Variants in CCDC178 observed in about 807,000 individuals in gnomAD.
The protein encoded by CCDC178 is coiled-coil domain containing 178.
In CCDC178, 126 loss-of-function variants were observed where a neutral mutation model predicts 117.4. The observed-to-expected ratio is 1.07, with a 90% CI of 0.93 to 1.24. The LOEUF is 1.24. Among genes scored for constraint, CCDC178 ranks in the 50% most tolerant of loss-of-function variants. CCDC178 has a pLI of 0.00. For missense variants in CCDC178, 1,030 were observed against 986.9 expected (o/e 1.04, Z -0.59); for synonymous variants, 283 against 313.4 (o/e 0.90, Z 1.02).
intron 20 of CCDC178, among the ~76,000 whole-genome samples, chr18:33,158,610 C>T (rs758291067): frequency 3.3e-5 from 5 of 151,988 alleles, no homozygotes; most frequent in Admixed American, 6.6e-5. Context: ...TTACTATAAA[C>T]ATTCACAGAA....
chr18:33,073,504 CATCTATCTATCTATCTATCTATCT>C (rs11468119), intron 21 of CCDC178, among the ~76,000 whole-genome samples: 5 of 142,018 alleles, frequency 3.5e-5, no homozygotes, highest in South Asian at 2.3e-4. Flanking sequence ...CTATAGTCAG[CATCTATCTATCTATCTATCTATCT>C]ATCTATCTAT....
intron 20 of CCDC178, among the ~76,000 whole-genome samples, chr18:33,161,687 G>T (rs1400831081): frequency 6.6e-6 from 1 of 152,008 alleles, no homozygotes; most frequent in Non-Finnish European, 1.5e-5. Context: ...GTTTTCTGGA[G>T]ACTTACTATA....
intron 22 of CCDC178, among the ~76,000 whole-genome samples, chr18:32,955,032 C>T (rs1463646717): frequency 6.6e-6 from 1 of 152,172 alleles, no homozygotes; most frequent in Non-Finnish European, 1.5e-5. Context: ...TGAGTTCCTG[C>T]AAGAGCACCT....
chr18:33,149,299 A>G (rs995529045), intron 20 of CCDC178, among the ~76,000 whole-genome samples: 1 of 152,206 alleles, frequency 6.6e-6, no homozygotes, highest in African/African-American at 2.4e-5. Flanking sequence ...TTGGAATCTA[A>G]CCAGTTTTAG....
At chr18:33,140,226 G>T (rs2058184209) in intron 20 of CCDC178, among the ~76,000 whole-genome samples, 1 of 152,176 alleles carries the variant, frequency 6.6e-6, no homozygotes, top group Non-Finnish European at 1.5e-5. Context: ...GAGCAGTGCA[G>T]AAGGGAAATG....
intron 21 of CCDC178, among the ~76,000 whole-genome samples, chr18:33,038,582 A>C (rs139393994): frequency 6.6e-6 from 1 of 152,102 alleles, no homozygotes; most frequent in Non-Finnish European, 1.5e-5. Context: ...TCTTTGAGAC[A>C]TTTTCATTTC....
At chr18:33,273,109 G>A (rs1319028917) in intron 12 of CCDC178, among the ~76,000 whole-genome samples, 1 of 151,300 alleles carries the variant, frequency 6.6e-6, no homozygotes, top group Non-Finnish European at 1.5e-5. Flanking sequence ...GTAAACATCT[G>A]TATTTGCAGA....
chr18:33,173,344 G>C (rs1711952699), intron 20 of CCDC178, among the ~76,000 whole-genome samples: 1 of 152,038 alleles, frequency 6.6e-6, no homozygotes, highest in Non-Finnish European at 1.5e-5. Flanking sequence ...GACTGTGCCT[G>C]GCTTGCATTC....
intron 21 of CCDC178, among the ~76,000 whole-genome samples, chr18:32,985,324 T>C (rs2055240236): frequency 6.6e-6 from 1 of 151,978 alleles, no homozygotes; most frequent in Non-Finnish European, 1.5e-5. Context: ...AATCATGCAA[T>C]GCGGGACAGC....
intron 21 of CCDC178, among the ~76,000 whole-genome samples, chr18:33,008,148 T>TA (rs1284357199): frequency 1.3e-5 from 2 of 150,992 alleles, no homozygotes; most frequent in Non-Finnish European, 3.0e-5. Context: ...CCAATGACAC[T>TA]AAAGTGGGCA....
At chr18:33,033,242 G>A (rs2056380086) in intron 21 of CCDC178, among the ~76,000 whole-genome samples, 1 of 152,040 alleles carries the variant, frequency 6.6e-6, no homozygotes, top group South Asian at 2.1e-4. Context: ...AGTGTTGTGA[G>A]TCTTAAATTT....
chr18:33,276,441 T>C (rs924062572), intron 12 of CCDC178, among the ~76,000 whole-genome samples: 15 of 151,986 alleles, frequency 9.9e-5, no homozygotes, highest in Admixed American at 9.2e-4. Context: ...GTTGGATATA[T>C]AAGATTTGTT....
At chr18:33,425,624 CT>C (rs1057511345) in intron 2 of CCDC178, among the ~76,000 whole-genome samples, 2 of 152,168 alleles carry the variant, frequency 1.3e-5, no homozygotes, top group Non-Finnish European at 2.9e-5. Flanking sequence ...GACCAGGTGT[CT>C]GTATCTGATC....
chr18:33,288,987 A>G (rs1311895834), intron 12 of CCDC178, among the ~76,000 whole-genome samples: 1 of 152,198 alleles, frequency 6.6e-6, no homozygotes, highest in African/African-American at 2.4e-5. Context: ...AGAGAAACTC[A>G]TACTACTATC....
intron 21 of CCDC178, among the ~76,000 whole-genome samples, chr18:32,996,196 G>A (rs2144756072): frequency 6.6e-6 from 1 of 151,818 alleles, no homozygotes; most frequent in Non-Finnish European, 1.5e-5. Flanking sequence ...CCTGAGAACA[G>A]CATTAAAAAC....
chr18:33,146,260 T>G (rs1034799201), intron 20 of CCDC178, among the ~76,000 whole-genome samples: 1 of 152,158 alleles, frequency 6.6e-6, no homozygotes, highest in Non-Finnish European at 1.5e-5. Context: ...GAAAGATGAT[T>G]CAGCAAAGAA....
At chr18:33,180,143 T>C (rs1453255039) in intron 20 of CCDC178, among the ~76,000 whole-genome samples, 4 of 151,948 alleles carry the variant, frequency 2.6e-5, no homozygotes, top group Non-Finnish European at 5.9e-5. Flanking sequence ...AGTTTCCTAC[T>C]GAGTTTTGAA....
intron 5 of CCDC178, among the ~76,000 whole-genome samples, chr18:33,385,211 TA>T (rs2063480234): frequency 6.6e-6 from 1 of 152,168 alleles, no homozygotes; most frequent in South Asian, 2.1e-4. Flanking sequence ...CTGAGATTCA[TA>T]AAACAAGTTC....
Position 33,295,852 on chromosome 18 carries a change from G to A in CCDC178, c.1023-2540C>T, listed in dbSNP as rs567077726. Among the ~76,000 whole-genome samples, 32 of 152,196 alleles carry A rather than the reference G, an allele frequency of 2.1e-4. No homozygotes were observed. In the South Asian group the frequency reaches 2.5e-3, roughly 12 times the overall value. ...GCATTCATATAAAATGGTACAAGCC[G>A]TTCTGGAAGACCAGTTTGGCAGTTT... On this transcript the variant is annotated intron_variant, in intron 11 of 22. Coordinates refer to ENST00000383096, the MANE Select transcript of CCDC178 (RefSeq NM_001105528.4).
Sources: allele counts gnomAD v4.1 joint callset (sites outside exome capture counted in the v4.1 genomes callset), GRCh38; gene constraint gnomAD v4.1.1; transcripts MANE v1.5; gene names NCBI Gene and HGNC (gene_info 2026-07-23, HGNC 2026-07-21).